IKZF2: variants seen among roughly 807,000 people sequenced by gnomAD.
The protein encoded by IKZF2 is zinc finger protein Helios.
In IKZF2, 15 loss-of-function variants were observed where a neutral mutation model predicts 49.2. That is an observed-to-expected ratio of 0.30 (90% CI 0.20 to 0.47). The LOEUF is 0.47. Ranked by LOEUF, IKZF2 falls within the 20% of genes least tolerant of loss-of-function variation. IKZF2 has a pLI of 1.00. For synonymous variants in IKZF2, 227 were observed against 221.4 expected, an observed-to-expected ratio of 1.03 and a Z score of -0.23; for missense variants, 567 against 664.6, an observed-to-expected ratio of 0.85 and a Z score of 1.61.
chr2:213,022,046 T>C lies in IKZF2; in HGVS notation c.659A>G (p.Asn220Ser), dbSNP rs566824591. 1.9e-5 allele frequency: 31 copies of C among 1,613,924 alleles called. No homozygotes were observed. In the South Asian group the frequency reaches 2.2e-4, roughly 11 times the overall value. ...CTCCATGCTGACATTCTGGAGATAGTTGTGGCAGCGTTCCTTGTGCTCCTC... is the reference window on the plus strand; with the variant it reads ...CTCCATGCTGACATTCTGGAGATAGCTGTGGCAGCGTTCCTTGTGCTCCTC... ...SLEEHKERCH[N>S]YLQNVSMEAA... The change falls in exon 7 of 9, where the codon AAC becomes AGC. Residue 220 changes from asparagine to serine, a missense_variant. By Grantham distance (46) the Asn-to-Ser change is conservative (BLOSUM62 1). Transcript: ENST00000434687.
chr2:213,107,754 G>A (rs2059579589), intron 4 of IKZF2, among the ~76,000 whole-genome samples: 2 of 152,106 alleles, frequency 1.3e-5, no homozygotes, highest in African/African-American at 4.8e-5. Context: ...ACTCTTTGGC[G>A]AGATCACAAA....
At chr2:213,070,770 G>T (rs958841026) in intron 4 of IKZF2, among the ~76,000 whole-genome samples, 4 of 152,058 alleles carry the variant, frequency 2.6e-5, no homozygotes, top group African/African-American at 7.2e-5. Flanking sequence ...GAACTAAAAG[G>T]AAAAGACAGG....
chr2:213,002,411 A>C lies in IKZF2; in HGVS notation c.*4949T>G, dbSNP rs1404124535. The C allele has an allele frequency of 1.3e-5, 2 of 151,574 alleles. No homozygotes were observed. Among genetic ancestry groups the C allele is most frequent in the Admixed American group, 1.3e-4 (2 of 15,190 alleles). The allele number at this position is 151,574 out of a possible 1,614,324, so 9.4% of individuals were successfully genotyped here. On this transcript the variant is annotated 3_prime_UTR_variant, in exon 9 of 9. Coordinates refer to ENST00000434687, the MANE Select transcript of IKZF2 (RefSeq NM_001387220.1). ...AAATAGAATATTACATAAAAACCTTATGGAAATTCCAAAGTTTAAGGTTTC... is the reference window on the plus strand; with the variant it reads ...AAATAGAATATTACATAAAAACCTTCTGGAAATTCCAAAGTTTAAGGTTTC...
intron 4 of IKZF2, among the ~76,000 whole-genome samples, chr2:213,130,095 C>T (rs924341916): frequency 2.0e-5 from 3 of 152,160 alleles, no homozygotes; most frequent in African/African-American, 4.8e-5. Flanking sequence ...AATGAAGGCA[C>T]ACCTTCTCTA....
intron 4 of IKZF2, among the ~76,000 whole-genome samples, chr2:213,077,567 A>C (rs184070093): frequency 4.4e-4 from 64 of 146,462 alleles, no homozygotes; most frequent in African/African-American, 1.5e-3. Context: ...CAGTTCTGAT[A>C]CTATTCTATG....
intron 4 of IKZF2, among the ~76,000 whole-genome samples, chr2:213,143,907 A>C (rs2060957892): frequency 6.6e-6 from 1 of 151,982 alleles, no homozygotes; most frequent in Admixed American, 6.6e-5. Flanking sequence ...AGAAGGTGAC[A>C]TTGTAGAGAT....
intron 4 of IKZF2, among the ~76,000 whole-genome samples, chr2:213,115,138 A>T (rs920246804): frequency 6.6e-6 from 1 of 152,202 alleles, no homozygotes; most frequent in Non-Finnish European, 1.5e-5. Context: ...AATAAAGCAT[A>T]CTGCATGTTC....
intron 6 of IKZF2, among the ~76,000 whole-genome samples, chr2:213,024,948 C>T (rs1241037782): frequency 6.6e-6 from 1 of 151,886 alleles, no homozygotes; most frequent in Admixed American, 6.6e-5. Context: ...TATAAAAGGA[C>T]CAATATTTCA....
chr2:213,035,879 G>A (rs1698973543), intron 6 of IKZF2, among the ~76,000 whole-genome samples: 2 of 152,078 alleles, frequency 1.3e-5, no homozygotes, highest in East Asian at 1.9e-4. Flanking sequence ...GAATAGATTG[G>A]GAAGCAGGAG....
chr2:213,148,483 G>C (rs994180418), intron 3 of IKZF2, 113 bp downstream of exon 3: 3 of 709,684 alleles, frequency 4.2e-6, no homozygotes, highest in African/African-American at 3.6e-5. Flanking sequence ...TGTGAACAGA[G>C]AGAAAAAAGA....
intron 2 of IKZF2, among the ~76,000 whole-genome samples, chr2:213,148,850 AG>A (rs779970881): frequency 8.5e-5 from 13 of 152,212 alleles, no homozygotes; most frequent in Non-Finnish European, 5.9e-5. Context: ...GAGATAGGAT[AG>A]GAAAGATAAG....
rs1553604958 is a variant in IKZF2, at chr2:213,146,762, G to GGC, written c.139+945_139+946insGC. Among the ~76,000 whole-genome samples the GGC allele has an allele frequency of 1.9e-4, 26 of 134,456 alleles. 1 individual carries two copies. In the East Asian group the frequency reaches 4.5e-3, roughly 23 times the overall value. 88.2% of individuals were successfully genotyped at this position (134,456 alleles called of 152,430 possible). On this transcript the variant is annotated intron_variant, in intron 4 of 8. Coordinates refer to ENST00000434687, the MANE Select transcript of IKZF2 (RefSeq NM_001387220.1). ...CTTTTCTTAGTTATTAAATCTTCGGGGGGGGGGAAGGAAAGAGAATGCCTT... is the reference window on the plus strand; with the variant it reads ...CTTTTCTTAGTTATTAAATCTTCGGGGCGGGGGGGAAGGAAAGAGAATGCCTT...
chr2:213,066,938 G>A (rs7594137), intron 4 of IKZF2, among the ~76,000 whole-genome samples: 51,544 of 151,944 alleles, frequency 0.34, 9,566 homozygotes, highest in Non-Finnish European at 0.42. Context: ...CCTACTGTAT[G>A]AAGTGAAGAT....
intron 4 of IKZF2, among the ~76,000 whole-genome samples, chr2:213,133,884 A>C (rs1235850440): frequency 6.6e-6 from 1 of 152,150 alleles, no homozygotes; most frequent in South Asian, 2.1e-4. Context: ...CTTACAAATA[A>C]AATGGTATTC....
At chr2:213,020,557 C>T (rs1697099468) in intron 7 of IKZF2, among the ~76,000 whole-genome samples, 1 of 151,768 alleles carries the variant, frequency 6.6e-6, no homozygotes, top group African/African-American at 2.4e-5. Context: ...TTTACCAAGA[C>T]TTGATACACA....
Position 213,049,874 on chromosome 2 carries a change from C to T in IKZF2, c.413G>A (p.Arg138His), listed in dbSNP as rs1700513236. 2 of 1,559,784 alleles carry T rather than the reference C, an allele frequency of 1.3e-6. No individual in the cohort carries two copies. The highest frequency in any genetic ancestry group is 2.3e-5 in the East Asian group (1 of 43,432). Reference protein sequence around the residue: ...MVHKRSHTGERPFHCNQCGAS... With the variant: ...MVHKRSHTGEHPFHCNQCGAS... ...TCCACACTGGTTACAGTGGAAGGGG[C>T]GTTCACCTGCAGTAAGGAGAAGAAA... The change falls in exon 6 of 9, where the codon CGC becomes CAC. Residue 138 changes from arginine to histidine, a missense_variant. Physicochemically the swap from Arg to His is conservative, Grantham distance 29 (BLOSUM62 0). Around this residue, in one of 5 missense-constraint regions of IKZF2, gnomAD observed 54 missense variants for 119.9 expected, o/e 0.45. Coordinates refer to ENST00000434687, the MANE Select transcript of IKZF2 (RefSeq NM_001387220.1).
rs1054658622 is a variant in IKZF2 at position 213,136,773 on chromosome 2, G to A, written c.139+10935C>T. Among the ~76,000 whole-genome samples, 6 of 152,074 alleles carry A rather than the reference G, an allele frequency of 3.9e-5. 1 individual carries two copies. The highest frequency in any genetic ancestry group is 2.1e-4 in the South Asian group (1 of 4,822). On this transcript the variant is annotated intron_variant, in intron 4 of 8. Coordinates refer to ENST00000434687, the MANE Select transcript of IKZF2 (RefSeq NM_001387220.1). ...ATATAAAACACCCTGTTTACCCTCC[G>A]ATATCCCAAAGTCAACTATATCAAG... is the stretch of plus-strand genomic sequence containing the variant.
At chr2:213,102,806 G>C (rs1193269051) in intron 4 of IKZF2, among the ~76,000 whole-genome samples, 1 of 151,976 alleles carries the variant, frequency 6.6e-6, no homozygotes. Context: ...TGCTTCCTCA[G>C]TAATATTCTG....
At chr2:213,052,251 G>A (rs1700739554) in intron 5 of IKZF2, among the ~76,000 whole-genome samples, 1 of 151,974 alleles carries the variant, frequency 6.6e-6, no homozygotes, top group Non-Finnish European at 1.5e-5. Context: ...ATATTGTCCT[G>A]TTGCTGAGTG....
Sources: allele counts gnomAD v4.1 joint callset (sites outside exome capture counted in the v4.1 genomes callset), GRCh38; gene constraint gnomAD v4.1.1; regional missense constraint gnomAD v4.1.1; transcripts MANE v1.5; gene names NCBI Gene and HGNC (gene_info 2026-07-23, HGNC 2026-07-21).